The following LRRC7 variants were observed in gnomAD, a reference collection of about 807,000 sequenced individuals.
LRRC7 encodes leucine rich repeat containing 7, also known as leucine-rich repeat-containing protein 7.
A neutral mutation model predicts 175.7 loss-of-function variants in LRRC7; 23 were observed. The ratio of observed to expected loss-of-function variants is 0.13; its 90% CI spans 0.09 to 0.19. The LOEUF (loss-of-function observed/expected upper bound fraction) is 0.19. LRRC7 is among the 10% of genes least tolerant of loss of function. The pLI, the probability that LRRC7 is intolerant of heterozygous loss-of-function variation, is 1.00. For missense variants in LRRC7, 1,354 were observed against 1,904.7 expected, an observed-to-expected ratio of 0.71 and a Z score of 5.38; for synonymous variants, 685 against 680.9, an observed-to-expected ratio of 1.01 and a Z score of -0.09.
At chr1:69,585,363 A>G (rs1002869701) in intron 1 of LRRC7, among the ~76,000 whole-genome samples, 1 of 152,154 alleles carries the variant, frequency 6.6e-6, no homozygotes, top group African/African-American at 2.4e-5. Flanking sequence ...GGAAGCATAT[A>G]CAATTTATAG....
At chr1:69,733,039 G>GA (rs1363096994) in intron 2 of LRRC7, among the ~76,000 whole-genome samples, 1 of 151,756 alleles carries the variant, frequency 6.6e-6, no homozygotes, top group Non-Finnish European at 1.5e-5. Context: ...GACAATTTAA[G>GA]AAAAAATACA....
intron 1 of LRRC7, among the ~76,000 whole-genome samples, chr1:69,665,045 C>A (rs530837267): frequency 2.0e-5 from 3 of 152,170 alleles, no homozygotes; most frequent in Non-Finnish European, 2.9e-5. Flanking sequence ...TTTCTACAAC[C>A]ATTAATTGAA....
chr1:69,932,524 G>A (rs1188298865), intron 8 of LRRC7, among the ~76,000 whole-genome samples: 1 of 152,158 alleles, frequency 6.6e-6, no homozygotes, highest in Non-Finnish European at 1.5e-5. Flanking sequence ...AACTCACACT[G>A]TATTTTGAAT....
At chr1:69,880,388 G>C (rs955108088) in intron 7 of LRRC7, among the ~76,000 whole-genome samples, 1 of 152,176 alleles carries the variant, frequency 6.6e-6, no homozygotes, top group Admixed American at 6.5e-5. Flanking sequence ...AGAAGATGGG[G>C]TAGACGTGAT....
intron 8 of LRRC7, among the ~76,000 whole-genome samples, chr1:69,968,673 C>T (rs1447808059): frequency 1.3e-5 from 2 of 152,148 alleles, no homozygotes; most frequent in Non-Finnish European, 2.9e-5. Flanking sequence ...ACACAATTAT[C>T]AGCCAAGAGT....
At position 69,927,825 on chromosome 1, in the gene LRRC7, G is replaced by A. The variant is rs148852093; in HGVS notation, c.648-3682G>A. Reference sequence around the variant, plus strand: ...TCTCAACTCATCAAAGTCATACGCCGTCCAGCTTTGTTCCATTGCTGGTGA... The same window carrying A: ...TCTCAACTCATCAAAGTCATACGCCATCCAGCTTTGTTCCATTGCTGGTGA... On this transcript the variant is annotated intron_variant, in intron 7 of 26. Coordinates refer to ENST00000651989, the MANE Select transcript of LRRC7 (RefSeq NM_001370785.2). Among the ~76,000 whole-genome samples, 879 of 152,014 alleles carry A rather than the reference G, an allele frequency of 5.8e-3. 3 individuals are homozygous for A. Among genetic ancestry groups the A allele is most frequent in the Non-Finnish European group, 9.5e-3 (647 of 67,972 alleles).
chr1:69,989,100 G>T (rs1029268260), intron 10 of LRRC7, among the ~76,000 whole-genome samples: 61 of 151,746 alleles, frequency 4.0e-4, no homozygotes, highest in African/African-American at 1.4e-3. Context: ...AGTGAAAGAG[G>T]AATCTTTTAT....
intron 3 of LRRC7, among the ~76,000 whole-genome samples, chr1:69,790,124 C>A (rs748468438): frequency 6.6e-6 from 1 of 151,978 alleles, no homozygotes; most frequent in Non-Finnish European, 1.5e-5. Context: ...AATCTATTAA[C>A]TCAAATAACA....
intron 1 of LRRC7, among the ~76,000 whole-genome samples, chr1:69,662,204 TAACC>T (rs1286046780): frequency 6.6e-6 from 1 of 152,204 alleles, no homozygotes; most frequent in Admixed American, 6.5e-5. Flanking sequence ...AGATGCTCTA[TAACC>T]ATAAGCTCAT....
intron 8 of LRRC7, among the ~76,000 whole-genome samples, chr1:69,979,185 G>A (rs1476840419): frequency 1.3e-5 from 2 of 152,174 alleles, no homozygotes; most frequent in South Asian, 2.1e-4. Context: ...AATCTCTGTG[G>A]CCAGGTGGAT....
intron 8 of LRRC7, among the ~76,000 whole-genome samples, chr1:69,963,929 T>G (rs576791699): frequency 6.6e-6 from 1 of 152,296 alleles, no homozygotes; most frequent in South Asian, 2.1e-4. Context: ...TAATAAAGAT[T>G]AACTGAATAA....
chr1:69,959,505 T>C (rs1400063128), intron 8 of LRRC7, among the ~76,000 whole-genome samples: 2 of 152,098 alleles, frequency 1.3e-5, no homozygotes, highest in Non-Finnish European at 2.9e-5. Flanking sequence ...ATATAGATCA[T>C]TGTGATGACA....
At chr1:69,630,764 C>A (rs77110411) in intron 1 of LRRC7, among the ~76,000 whole-genome samples, 19,461 of 150,952 alleles carry the variant, frequency 0.13, 1,594 homozygotes, top group South Asian at 0.19. Flanking sequence ...TAATTTTTTT[C>A]TTTTTTAATT....
At chr1:69,828,183 A>G (rs1031246889) in intron 5 of LRRC7, among the ~76,000 whole-genome samples, 7 of 152,110 alleles carry the variant, frequency 4.6e-5, no homozygotes, top group African/African-American at 1.7e-4. Flanking sequence ...CTCAGTTGAT[A>G]GGCATTTGGG....
intron 7 of LRRC7, among the ~76,000 whole-genome samples, chr1:69,925,125 T>C (rs569656247): frequency 3.3e-5 from 5 of 152,306 alleles, no homozygotes; most frequent in East Asian, 1.9e-4. Flanking sequence ...TATATTGAAC[T>C]AGCCTTGGGT....
chr1:69,870,246 G>A (rs919900814), intron 7 of LRRC7, among the ~76,000 whole-genome samples: 3 of 152,210 alleles, frequency 2.0e-5, no homozygotes, highest in South Asian at 2.1e-4. Flanking sequence ...AAATGTCAAC[G>A]TGTGCTAGCT....
intron 2 of LRRC7, among the ~76,000 whole-genome samples, chr1:69,718,832 G>A (rs1408329253): frequency 2.6e-5 from 4 of 151,776 alleles, no homozygotes; most frequent in Admixed American, 6.6e-5. Flanking sequence ...AAAATTCTAG[G>A]AGAATGATTG....
chr1:69,954,735 A>G (rs1650316137), intron 8 of LRRC7, among the ~76,000 whole-genome samples: 2 of 152,076 alleles, frequency 1.3e-5, no homozygotes, highest in Admixed American at 1.3e-4. Flanking sequence ...CTGTTCACAC[A>G]TGAAGAAAAT....
intron 7 of LRRC7, among the ~76,000 whole-genome samples, chr1:69,906,967 G>T (rs898860898): frequency 2.0e-5 from 3 of 151,824 alleles, no homozygotes; most frequent in Non-Finnish European, 2.9e-5. Context: ...CCTTGAAGAG[G>T]TCCTTCACAT....
Sources: allele counts gnomAD v4.1 joint callset (sites outside exome capture counted in the v4.1 genomes callset), GRCh38; gene constraint gnomAD v4.1.1; transcripts MANE v1.5; gene names NCBI Gene and HGNC (gene_info 2026-07-23, HGNC 2026-07-21).